The following RAP2B variants were observed in gnomAD, a reference collection of about 807,000 sequenced individuals.
The protein encoded by RAP2B is ras-related protein Rap-2b.
Under a neutral mutation model 14.4 loss-of-function variants are expected in RAP2B, and 6 were observed. The observed-to-expected ratio is 0.42, with a 90% CI of 0.23 to 0.82. RAP2B has a LOEUF of 0.82. Ranked by LOEUF, RAP2B falls within the 40% of genes least tolerant of loss-of-function variation. RAP2B has a pLI of 0.30. For synonymous variants in RAP2B, 118 were observed against 113.2 expected (o/e 1.04, Z -0.27); for missense variants, 137 against 248.2 (o/e 0.55, Z 3.01).
At position 153,163,761 on chromosome 3, in the gene RAP2B, G is replaced by C. The variant is rs1041030981; in HGVS notation, c.*516G>C. The C allele has an allele frequency of 3.0e-5, 5 of 164,260 alleles. No homozygotes were observed. Among genetic ancestry groups the C allele is most frequent in the Non-Finnish European group, 7.4e-5 (5 of 67,966 alleles). The allele number at this position is 164,260 out of a possible 1,614,324, so 10.2% of individuals were successfully genotyped here. A position where few individuals can be genotyped will look rare whatever the true frequency, so the allele number is the denominator to read the frequency against. The stretch of plus-strand genomic sequence containing the variant: ...CCGGGAGAACCATATGAAGGAGCAG[G>C]AGGAGAGGAAGAAACTTTTTTTCCT... On this transcript the variant is annotated 3_prime_UTR_variant, in exon 1 of 1. Coordinates refer to ENST00000323534, the MANE Select transcript of RAP2B (RefSeq NM_002886.4).
chr3:153,166,762 A>G lies in RAP2B; in HGVS notation c.*3517A>G, dbSNP rs1713590043. 6.0e-6 allele frequency: 1 copy of G among 166,640 alleles called. No individual in the cohort carries two copies. Among genetic ancestry groups the G allele is most frequent in the Non-Finnish European group, 1.5e-5 (1 of 68,092 alleles). The allele number at this position is 166,640 out of a possible 1,614,324, so 10.3% of individuals were successfully genotyped here. A position where few individuals can be genotyped will look rare whatever the true frequency, so the allele number is the denominator to read the frequency against. ...TGGGACCAGATGTATTTGGGGATAG[A>G]ATTCTTTAAATGTATGGGACTTCAT... On this transcript the variant is annotated 3_prime_UTR_variant, in exon 1 of 1. Transcript: ENST00000323534.
At position 153,162,946 on chromosome 3, in the gene RAP2B, G is replaced by A. The variant is rs1713450166; in HGVS notation, c.253G>A (p.Val85Ile). The stretch of plus-strand genomic sequence containing the variant: ...GGGCTTCATCCTGGTCTACAGCCTC[G>A]TCAACCAGCAGAGCTTCCAGGACAT... ...GQGFILVYSLVNQQSFQDIKP... is the reference protein window; with the variant it reads ...GQGFILVYSLINQQSFQDIKP... Residue 85 changes from valine (V) to isoleucine (I), a missense_variant, in exon 1 of 1, where the codon GTC (valine) becomes ATC (isoleucine). This residue lies in a region of RAP2B where 106 missense variants were observed against 143.5 expected (regional missense o/e 0.74). Coordinates refer to ENST00000323534, the MANE Select transcript of RAP2B (RefSeq NM_002886.4). The surrounding 1 kb of genome is among the most constrained non-coding windows in gnomAD (Gnocchi z 4.9). 1 of 1,614,142 alleles carries A rather than the reference G, an allele frequency of 6.2e-7. No individual in the cohort carries two copies. The highest frequency in any genetic ancestry group is 8.5e-7 in the Non-Finnish European group (1 of 1,180,030).
chr3:153,167,234 A>G lies in RAP2B; in HGVS notation c.*3989A>G, dbSNP rs958397870. ...TATTAGGAATGATTCAGTGCATTTA[A>G]CTGAACACAGAGCTAGTTCTAGGTG... On this transcript the variant is annotated 3_prime_UTR_variant, in exon 1 of 1. Transcript: ENST00000323534. 3.0e-5 allele frequency: 5 copies of G among 167,206 alleles called. No individual in the cohort carries two copies. Among genetic ancestry groups the G allele is most frequent in the African/African-American group, 1.2e-4 (5 of 41,586 alleles). 10.4% of individuals were successfully genotyped at this position (167,206 alleles called of 1,614,324 possible).
chr3:153,163,208 G>A lies in RAP2B; in HGVS notation c.515G>A (p.Gly172Asp), dbSNP rs1713459113. ...ATGAACTACGCGGCGCAGCCCAACG[G>A]CGATGAGGGCTGCTGCTCGGCCTGC... ...RQMNYAAQPNGDEGCCSACVI... is the reference protein window; with the variant it reads ...RQMNYAAQPNDDEGCCSACVI... Residue 172 changes from glycine (G) to aspartate (D), a missense_variant, in exon 1 of 1, where the codon GGC becomes GAC. Gly to Asp is a moderately conservative substitution (Grantham distance 94). Transcript: ENST00000323534. The A allele has an allele frequency of 5.0e-6, 8 of 1,589,190 alleles. No individual in the cohort carries two copies. In the East Asian group the frequency reaches 1.6e-4, roughly 32 times the overall value.
rs1713689623 is a variant in RAP2B at position 153,170,051 on chromosome 3, G to GCATTCTTTCTTATC, written c.*6809_*6822dup. On this transcript the variant is annotated 3_prime_UTR_variant, in exon 1 of 1. Transcript: ENST00000323534. ...TATAAATTGGAGGAGACAGCTATTT[G>GCATTCTTTCTTATC]CATTCTTTCTTATCCAGTTGACTAA... The GCATTCTTTCTTATC allele has an allele frequency of 1.3e-5, 2 of 152,196 alleles. No individual in the cohort carries two copies. Among genetic ancestry groups the GCATTCTTTCTTATC allele is most frequent in the Admixed American group, 1.3e-4 (2 of 15,288 alleles). The allele number at this position is 152,196 out of a possible 1,614,324, so 9.4% of individuals were successfully genotyped here.
In RAP2B at chr3:153,165,677, A is replaced by G. The variant is rs1233456336; in HGVS notation, c.*2432A>G. 6.0e-6 allele frequency: 1 copy of G among 166,876 alleles called. No individual in the cohort carries two copies. The highest frequency in any genetic ancestry group is 2.4e-5 in the African/African-American group (1 of 41,412). 10.3% of individuals were successfully genotyped at this position (166,876 alleles called of 1,614,324 possible). On this transcript the variant is annotated 3_prime_UTR_variant, in exon 1 of 1. Transcript: ENST00000323534. ...GGAAGAATAGAGAATTTTGCCTGGCAATGGTCCTACTGCCATTTTTTTTTT... is the reference window on the plus strand; with the variant it reads ...GGAAGAATAGAGAATTTTGCCTGGCGATGGTCCTACTGCCATTTTTTTTTT...
chr3:153,162,517 C>A lies in RAP2B; in HGVS notation c.-177C>A, dbSNP rs960727112. 1 of 686,860 alleles carries A rather than the reference C, an allele frequency of 1.5e-6. No homozygotes were observed. Among genetic ancestry groups the A allele is most frequent in the Non-Finnish European group, 2.2e-6 (1 of 464,450 alleles). The allele number at this position is 686,860 out of a possible 1,614,324, so 42.5% of individuals were successfully genotyped here. A position where few individuals can be genotyped will look rare whatever the true frequency, so the allele number is the denominator to read the frequency against. Reference sequence around the variant, plus strand: ...ATACGCTGCCGCCGCCGCCGGCCGGCCCGGCGCCCGGCCTCCGTTCGGTGG... The same window carrying A: ...ATACGCTGCCGCCGCCGCCGGCCGGACCGGCGCCCGGCCTCCGTTCGGTGG... On this transcript the variant is annotated 5_prime_UTR_variant, in exon 1 of 1. Transcript: ENST00000323534. This position sits in a 1 kb window ranked among gnomAD's most constrained non-coding sequence, Gnocchi z 4.9.
In RAP2B at chr3:153,163,796, G is replaced by A. The variant is rs1032813580; in HGVS notation, c.*551G>A. On this transcript the variant is annotated 3_prime_UTR_variant, in exon 1 of 1. Coordinates refer to ENST00000323534, the MANE Select transcript of RAP2B (RefSeq NM_002886.4). Reference sequence around the variant, plus strand: ...AGAAACTTTTTTTCCTTCTTTTCCAGGAGTAGCTGGAAATTAAGATCGGGT... The same window carrying A: ...AGAAACTTTTTTTCCTTCTTTTCCAAGAGTAGCTGGAAATTAAGATCGGGT... 2.4e-5 allele frequency: 4 copies of A among 165,974 alleles called. No homozygotes were observed. In the Admixed American group the frequency reaches 2.7e-4, roughly 11 times the overall value. The allele number at this position is 165,974 out of a possible 1,614,324, so 10.3% of individuals were successfully genotyped here.
rs1713517129 is a variant in RAP2B, at chr3:153,164,562, ATTTTTTAATT to A, written c.*1318_*1327del. 1 of 166,528 alleles carries A rather than the reference ATTTTTTAATT, an allele frequency of 6.0e-6. No homozygotes were observed. Among genetic ancestry groups the A allele is most frequent in the Non-Finnish European group, 1.5e-5 (1 of 68,030 alleles). The allele number at this position is 166,528 out of a possible 1,614,324, so 10.3% of individuals were successfully genotyped here. A position where few individuals can be genotyped will look rare whatever the true frequency, so the allele number is the denominator to read the frequency against. On this transcript the variant is annotated 3_prime_UTR_variant, in exon 1 of 1. Coordinates refer to ENST00000323534, the MANE Select transcript of RAP2B (RefSeq NM_002886.4). ...AGCTCCCCTTTCATATTATTTTTAA[ATTTTTTAATT>A]ACCTGTTGTAGGGTGTTCCTCCAGA... is the stretch of plus-strand genomic sequence containing the variant.
chr3:153,163,466 CTT>C lies in RAP2B; in HGVS notation c.*223_*224del, dbSNP rs1263784951. ...CCGATACTCTGGTGGAAATGTGGCT[CTT>C]TGCAGCATGTACGTTTCTCCCTGAT... On this transcript the variant is annotated 3_prime_UTR_variant, in exon 1 of 1. Coordinates refer to ENST00000323534, the MANE Select transcript of RAP2B (RefSeq NM_002886.4). 1.6e-6 allele frequency: 1 copy of C among 609,386 alleles called. No homozygotes were observed. The highest frequency in any genetic ancestry group is 3.5e-5 in the Admixed American group (1 of 28,476). 37.7% of individuals were successfully genotyped at this position (609,386 alleles called of 1,614,324 possible).
chr3:153,166,148 T>G lies in RAP2B; in HGVS notation c.*2903T>G, dbSNP rs1409295003. 6.0e-6 allele frequency: 1 copy of G among 167,026 alleles called. No homozygotes were observed. The highest frequency in any genetic ancestry group is 2.4e-5 in the African/African-American group (1 of 41,420). The allele number at this position is 167,026 out of a possible 1,614,324, so 10.3% of individuals were successfully genotyped here. A position where few individuals can be genotyped will look rare whatever the true frequency, so the allele number is the denominator to read the frequency against. On this transcript the variant is annotated 3_prime_UTR_variant, in exon 1 of 1. Transcript: ENST00000323534. ...GCAGAGCAGAAGATTTTAATATGCT[T>G]TTATTAAGTGATGTAAAATAAATGC...
rs1713606475 is a variant in RAP2B at position 153,167,242 on chromosome 3, CAG to C, written c.*4000_*4001del. 1 of 167,132 alleles carries C rather than the reference CAG, an allele frequency of 6.0e-6. No homozygotes were observed. The allele number at this position is 167,132 out of a possible 1,614,324, so 10.4% of individuals were successfully genotyped here. ...ATGATTCAGTGCATTTAACTGAACA[CAG>C]AGCTAGTTCTAGGTGAGTGAGATCT... On this transcript the variant is annotated 3_prime_UTR_variant, in exon 1 of 1. Transcript: ENST00000323534.
chr3:153,166,110 A>G lies in RAP2B; in HGVS notation c.*2865A>G, dbSNP rs1713567985. On this transcript the variant is annotated 3_prime_UTR_variant, in exon 1 of 1. Coordinates refer to ENST00000323534, the MANE Select transcript of RAP2B (RefSeq NM_002886.4). ...ATTTAGTCACTTGCAGGACCTCTTT[A>G]TAGTCTAGGATGGCAGAGCAGAAGA... 1 of 167,068 alleles carries G rather than the reference A, an allele frequency of 6.0e-6. No homozygotes were observed. 10.3% of individuals were successfully genotyped at this position (167,068 alleles called of 1,614,324 possible).
rs1713535071 is a variant in RAP2B at position 153,164,973 on chromosome 3, G to T, written c.*1728G>T. ...TGATTAGAAGATGAACAGGTATTTT[G>T]AATCTGATCTGACATGGAACAGTTT... On this transcript the variant is annotated 3_prime_UTR_variant, in exon 1 of 1. Transcript: ENST00000323534. The T allele has an allele frequency of 1.2e-5, 2 of 166,900 alleles. No individual in the cohort carries two copies. The highest frequency in any genetic ancestry group is 4.8e-5 in the African/African-American group (2 of 41,448). The allele number at this position is 166,900 out of a possible 1,614,324, so 10.3% of individuals were successfully genotyped here.
Position 153,163,660 on chromosome 3 carries a change from C to CTTTTTTT in RAP2B, c.*418_*419insTTTTTTT, listed in dbSNP as rs1713484582. On this transcript the variant is annotated 3_prime_UTR_variant, in exon 1 of 1. Coordinates refer to ENST00000323534, the MANE Select transcript of RAP2B (RefSeq NM_002886.4). Reference sequence around the variant, plus strand: ...GTTTTTTTTTTTTTTTTTCTATTTTCTTTCTTTTTTTTTTTTTTTTTTTTT... The same window carrying CTTTTTTT: ...GTTTTTTTTTTTTTTTTTCTATTTTCTTTTTTTTTTCTTTTTTTTTTTTTTTTTTTTT... The CTTTTTTT allele has an allele frequency of 1.5e-4, 12 of 81,110 alleles. No individual in the cohort carries two copies. Among genetic ancestry groups the CTTTTTTT allele is most frequent in the East Asian group, 4.2e-4 (1 of 2,384 alleles). The allele number at this position is 81,110 out of a possible 1,614,324, so 5.0% of individuals were successfully genotyped here.
In RAP2B at chr3:153,163,454, G is replaced by A; in HGVS notation, c.*209G>A. 1.6e-6 allele frequency: 1 copy of A among 635,454 alleles called. No individual in the cohort carries two copies. Among genetic ancestry groups the A allele is most frequent in the Non-Finnish European group, 2.7e-6 (1 of 369,642 alleles). 39.4% of individuals were successfully genotyped at this position (635,454 alleles called of 1,614,324 possible). ...GGTCCTGCCCATCCGATACTCTGGT[G>A]GAAATGTGGCTCTTTGCAGCATGTA... On this transcript the variant is annotated 3_prime_UTR_variant, in exon 1 of 1. Transcript: ENST00000323534.
At position 153,163,318 on chromosome 3, in the gene RAP2B, T is replaced by G. The variant is rs1359532155; in HGVS notation, c.*73T>G. 1 of 1,458,286 alleles carries G rather than the reference T, an allele frequency of 6.9e-7. No individual in the cohort carries two copies. The highest frequency in any genetic ancestry group is 2.5e-5 in the East Asian group (1 of 40,244). 90.3% of individuals were successfully genotyped at this position (1,458,286 alleles called of 1,614,324 possible). A position where few individuals can be genotyped will look rare whatever the true frequency, so the allele number is the denominator to read the frequency against. On this transcript the variant is annotated 3_prime_UTR_variant, in exon 1 of 1. Coordinates refer to ENST00000323534, the MANE Select transcript of RAP2B (RefSeq NM_002886.4). ...ATCCGACTCTCTAAATGTGATTTAT[T>G]TCTTGCTTTGAGATTGGAGACCACT...
chr3:153,162,839 C>G lies in RAP2B; in HGVS notation c.146C>G (p.Ser49Trp). 1 of 1,614,154 alleles carries G rather than the reference C, an allele frequency of 6.2e-7. No homozygotes were observed. Among genetic ancestry groups the G allele is most frequent in the African/African-American group, 1.3e-5 (1 of 75,058 alleles). The change falls in exon 1 of 1, where the codon TCG (serine) becomes TGG (tryptophan). Residue 49 changes from serine to tryptophan, a missense_variant. Physicochemically the swap from Ser to Trp is radical, Grantham distance 177. Around this residue, in one of 2 missense-constraint regions of RAP2B, gnomAD observed 31 missense variants for 104.7 expected, o/e 0.30. Transcript: ENST00000323534. The surrounding 1 kb of genome is among the most constrained non-coding windows in gnomAD (Gnocchi z 4.9). ...CGCAAGGAGATTGAGGTGGACTCGT[C>G]GCCGTCGGTGCTGGAGATCCTGGAT... ...FYRKEIEVDS[S>W]PSVLEILDTA...
At position 153,162,586 on chromosome 3, in the gene RAP2B, C is replaced by T. The variant is rs1233657053; in HGVS notation, c.-108C>T. ...TGGGTTGCTCTCTCCTGGGTTTTTC[C>T]TGCGTAGCTGAGGAAGGGGAAGAGA... On this transcript the variant is annotated 5_prime_UTR_variant, in exon 1 of 1. Coordinates refer to ENST00000323534, the MANE Select transcript of RAP2B (RefSeq NM_002886.4). This position sits in a 1 kb window ranked among gnomAD's most constrained non-coding sequence, Gnocchi z 4.9. 1.4e-5 allele frequency: 18 copies of T among 1,315,486 alleles called. No homozygotes were observed. Among genetic ancestry groups the T allele is most frequent in the Non-Finnish European group, 1.8e-5 (18 of 986,764 alleles). 81.5% of individuals were successfully genotyped at this position (1,315,486 alleles called of 1,614,324 possible). A position where few individuals can be genotyped will look rare whatever the true frequency, so the allele number is the denominator to read the frequency against.
Sources: gnomAD v4.1 joint callset for allele counts on GRCh38, gnomAD v4.1.1 for gene constraint, gnomAD v4.1.1 regional missense constraint, Gnocchi (gnomAD v3.1) non-coding constraint, MANE v1.5 for transcripts, NCBI Gene and HGNC (gene_info 2026-07-23, HGNC 2026-07-21) for gene names.